The following TTN variants were observed in gnomAD, a reference collection of about 807,000 sequenced individuals.
The protein encoded by TTN is titin, also known as connectin.
In TTN, 1,525 loss-of-function variants were observed where a neutral mutation model predicts 3,223.0. That is an observed-to-expected ratio of 0.47 (90% confidence interval 0.45 to 0.49). The LOEUF (loss-of-function observed/expected upper bound fraction) is 0.49. Among genes scored for constraint, TTN ranks in the 20% least tolerant of loss-of-function variants. The probability of loss-of-function intolerance (pLI) is 0.00; values close to 1 mark genes in which losing one functional copy is unlikely to be tolerated. For synonymous variants in TTN, 14,094 were observed against 15,161.0 expected (o/e 0.93, Z 5.17); for missense variants, 40,786 against 43,424.0 (o/e 0.94, Z 5.40).
At position 178,613,841 on chromosome 2, in the gene TTN, G is replaced by C; in HGVS notation, c.49442C>G (p.Pro16481Arg). The C allele has an allele frequency of 6.2e-7, 1 of 1,612,394 alleles. No individual in the cohort carries two copies. The highest frequency in any genetic ancestry group is 8.5e-7 in the Non-Finnish European group (1 of 1,179,052). ...WCEPDDDGGS[P>R]ITGYWVERLD... ...TCTTTCAACCCAGTATCCTGTGATTGGGCTGCCACCATCATCATCTGGCTC... is the reference window on the plus strand; with the variant it reads ...TCTTTCAACCCAGTATCCTGTGATTCGGCTGCCACCATCATCATCTGGCTC... The change falls in exon 263 of 363, where the codon CCA (proline) becomes CGA (arginine). Residue 16481 changes from proline to arginine, a missense_variant. Physicochemically the swap from Pro to Arg is moderately radical, Grantham distance 103. Coordinates refer to ENST00000589042, the MANE Select transcript of TTN (RefSeq NM_001267550.2).
Position 178,592,871 on chromosome 2 carries a change from C to G in TTN, c.59248G>C (p.Gly19750Arg). The G allele has an allele frequency of 6.2e-7, 1 of 1,613,422 alleles. No homozygotes were observed. The highest frequency in any genetic ancestry group is 8.5e-7 in the Non-Finnish European group (1 of 1,179,584). ...TKYKVTGLRD[G>R]QTYKFRVLAV... ...AACACTCTAAACTTATAGGTTTGAC[C>G]GTCCCGAAGACCGGTGACTTTATAT... Residue 19750 changes from glycine (G) to arginine (R), a missense_variant, in exon 300 of 363, where the codon GGT (glycine) becomes CGT (arginine). Transcript: ENST00000589042.
Position 178,607,155 on chromosome 2 carries a change from T to A in TTN, c.53447A>T (p.Glu17816Val). Residue 17816 changes from glutamate to valine, a missense_variant, in exon 278 of 363, where the codon GAG (glutamate) becomes GTG (valine). Coordinates refer to ENST00000589042, the MANE Select transcript of TTN (RefSeq NM_001267550.2). ...GATGTCACATTTAGATCTCTCAGTC[T>A]CTATTGGTTGTCTCCAAGTATGCAT... is the stretch of plus-strand genomic sequence containing the variant. ...AKMHTWRQPIETERSKCDITG... is the reference protein window; with the variant it reads ...AKMHTWRQPIVTERSKCDITG... 1 of 1,613,018 alleles carries A rather than the reference T, an allele frequency of 6.2e-7. No homozygotes were observed. Among genetic ancestry groups the A allele is most frequent in the South Asian group, 1.1e-5 (1 of 91,032 alleles).
At chr2:178,658,873 AT>A (rs2064210888) in intron 182 of TTN, 79 bp from the exon 183 acceptor site, 1 of 1,561,656 alleles carries the variant, frequency 6.4e-7, no homozygotes, top group Admixed American at 1.8e-5. Flanking sequence ...CCACCAAGAT[AT>A]TTTGGATAGT....
In TTN at chr2:178,535,345, C is replaced by T. The variant is rs1210718667; in HGVS notation, c.101270G>A (p.Ser33757Asn). The T allele has an allele frequency of 6.2e-7, 1 of 1,613,782 alleles. No homozygotes were observed. The highest frequency in any genetic ancestry group is 8.5e-7 in the Non-Finnish European group (1 of 1,179,856). Residue 33757 changes from serine (S) to asparagine (N), a missense_variant, in exon 358 of 363, where the codon AGT becomes AAT. By Grantham distance (46) the Ser-to-Asn change is conservative. Transcript: ENST00000589042. ...TTCAGCTATTACCCGGAACTGGTAACTTGTTTTTCCAAATAAGTTGATCAC... is the reference window on the plus strand; with the variant it reads ...TTCAGCTATTACCCGGAACTGGTAATTTGTTTTTCCAAATAAGTTGATCAC... ...YTVINLFGKT[S>N]YQFRVIAENK...
At position 178,609,514 on chromosome 2, in the gene TTN, C is replaced by T; in HGVS notation, c.51796G>A (p.Ala17266Thr). Residue 17266 changes from alanine to threonine, a missense_variant, in exon 273 of 363, where the codon GCA becomes ACA. Ala to Thr is a moderately conservative substitution (Grantham distance 58, BLOSUM62 0). Transcript: ENST00000589042. Reference protein sequence around the residue: ...SLEVKRGDEIALDASISGSPY... With the variant: ...SLEVKRGDEITLDASISGSPY... Reference sequence around the variant, plus strand: ...GATCCAGAAATACTTGCATCAAGTGCTATTTCATCACCTCGTTTCACTTCT... The same window carrying T: ...GATCCAGAAATACTTGCATCAAGTGTTATTTCATCACCTCGTTTCACTTCT... 1 of 1,612,460 alleles carries T rather than the reference C, an allele frequency of 6.2e-7. No individual in the cohort carries two copies. The highest frequency in any genetic ancestry group is 8.5e-7 in the Non-Finnish European group (1 of 1,179,080).
At chr2:178,583,388 G>A (rs1201222530) in intron 312 of TTN, 161 bp from the exon 313 acceptor site, 1 of 847,308 alleles carries the variant, frequency 1.2e-6, no homozygotes, top group African/African-American at 1.7e-5. Context: ...CTGCACTATT[G>A]AATAACTATT....
chr2:178,529,502 G>A (rs1688092753), intron 359 of TTN, among the ~76,000 whole-genome samples: 2 of 152,164 alleles, frequency 1.3e-5, no homozygotes, highest in South Asian at 4.1e-4. Context: ...GGAGATAAGT[G>A]GATTTGGGAG....
chr2:178,767,182 C>T (rs2090606765), intron 40 of TTN, among the ~76,000 whole-genome samples: 1 of 152,196 alleles, frequency 6.6e-6, no homozygotes, highest in Non-Finnish European at 1.5e-5. Context: ...CTGAACTCAA[C>T]TGGTATTTCT....
At chr2:178,721,604 A>T (rs867165635) in intron 78 of TTN, among the ~76,000 whole-genome samples, 1 of 152,130 alleles carries the variant, frequency 6.6e-6, no homozygotes, top group South Asian at 2.1e-4. Context: ...TAGTTAAAAC[A>T]ACATTTAACA....
chr2:178,532,942 C>A lies in TTN; in HGVS notation c.103673G>T (p.Arg34558Leu). ...AGACATGGGCACGAACTGCTTGATG[C>A]GTTGGTCTTCTTCTATGGTAGTCTG... ...YKQTTIEEDQ[R>L]IKQFVPMSDM... The change falls in exon 358 of 363, where the codon CGC (arginine) becomes CTC (leucine). Residue 34558 changes from arginine to leucine, a missense_variant. Arg to Leu is a moderately radical substitution (Grantham distance 102). Coordinates refer to ENST00000589042, the MANE Select transcript of TTN (RefSeq NM_001267550.2). The A allele has an allele frequency of 6.2e-7, 1 of 1,613,840 alleles. No individual in the cohort carries two copies. Among genetic ancestry groups the A allele is most frequent in the African/African-American group, 1.3e-5 (1 of 75,006 alleles).
Position 178,621,948 on chromosome 2 carries a change from T to C in TTN, c.44974A>G (p.Lys14992Glu), listed in dbSNP as rs1174482047. The change falls in exon 244 of 363, where the codon AAG becomes GAG. Residue 14992 changes from lysine (K) to glutamate (E), a missense_variant. Physicochemically the swap from Lys to Glu is moderately conservative, Grantham distance 56 (BLOSUM62 1). Coordinates refer to ENST00000589042, the MANE Select transcript of TTN (RefSeq NM_001267550.2). The part of the protein sequence containing the change: ...KKGKKYDIIS[K>E]GAVRILVINK... The stretch of plus-strand genomic sequence containing the variant: ...ATGACAAGAATGCGCACTGCTCCCT[T>C]GGATATGATGTCATATTTTTTGCCC... 2 of 1,611,576 alleles carry C rather than the reference T, an allele frequency of 1.2e-6. No individual in the cohort carries two copies. The highest frequency in any genetic ancestry group is 4.5e-5 in the East Asian group (2 of 44,552).
rs1578126437 is a variant in TTN at position 178,728,770 on chromosome 2, G to C, written c.19156C>G (p.Gln6386Glu). 1 of 1,598,262 alleles carries C rather than the reference G, an allele frequency of 6.3e-7. No homozygotes were observed. Among genetic ancestry groups the C allele is most frequent in the African/African-American group, 1.3e-5 (1 of 74,556 alleles). ...YAFLLVQEPA[Q>E]IVEKAKSVDV... Reference sequence around the variant, plus strand: ...ACTGATTTAGCTTTCTCTACGATTTGAGCTGGTTCTGTAGTAAAAATGAAA... The same window carrying C: ...ACTGATTTAGCTTTCTCTACGATTTCAGCTGGTTCTGTAGTAAAAATGAAA... The change falls in exon 66 of 363, where the codon CAA becomes GAA. Residue 6386 changes from glutamine (Q) to glutamate (E), a missense_variant. Coordinates refer to ENST00000589042, the MANE Select transcript of TTN (RefSeq NM_001267550.2).
At chr2:178,587,486 G>T (rs1045424208) in intron 306 of TTN, 30 bp downstream of exon 306, 5 of 1,602,914 alleles carry the variant, frequency 3.1e-6, no homozygotes, top group Non-Finnish European at 4.3e-6. Context: ...CATTTTTGAA[G>T]TGGGAGGGAG....
In TTN at chr2:178,689,812, CCT is replaced by C; in HGVS notation, c.31845_31846del (p.Lys10615AsnfsTer3). 1 of 1,607,720 alleles carries C rather than the reference CCT, an allele frequency of 6.2e-7. No individual in the cohort carries two copies. The highest frequency in any genetic ancestry group is 8.5e-7 in the Non-Finnish European group (1 of 1,178,302). ...GGGCTTTACGTCGAAAGCCACTGTA[CCT>C]TTAGCTGGGGGAGCTTCCTTTTTCT... On this transcript the variant is annotated frameshift_variant and splice_region_variant, in exon 122 of 363. Transcript: ENST00000589042. LOFTEE classifies it high-confidence loss of function.
chr2:178,745,300 A>T (rs1560954757), intron 47 of TTN: 5 of 1,252,156 alleles, frequency 4.0e-6, no homozygotes, highest in African/African-American at 3.0e-5. Flanking sequence ...GCATGAGGGT[A>T]AATAGAAGTA....
At position 178,731,300 on chromosome 2, in the gene TTN, C is replaced by G. The variant is rs2080450553; in HGVS notation, c.17461+5G>C. ...TCAAACCCAAGGCAAACGTTCTGAA[C>G]CAACCTTTTACTGAGAGTAATGCAG... is the stretch of plus-strand genomic sequence containing the variant. On this transcript the variant is annotated splice_donor_5th_base_variant and intron_variant, in intron 59 of 362. Transcript: ENST00000589042. The G allele has an allele frequency of 5.0e-6, 8 of 1,613,360 alleles. No homozygotes were observed. Among genetic ancestry groups the G allele is most frequent in the Non-Finnish European group, 6.8e-6 (8 of 1,179,486 alleles).
Position 178,715,235 on chromosome 2 carries a change from GA to G in TTN, c.25950del (p.Pro8651LeufsTer2). 6.2e-7 allele frequency: 1 copy of G among 1,607,140 alleles called. No individual in the cohort carries two copies. The highest frequency in any genetic ancestry group is 8.5e-7 in the Non-Finnish European group (1 of 1,177,086). On this transcript the variant is annotated frameshift_variant, in exon 90 of 363. Coordinates refer to ENST00000589042, the MANE Select transcript of TTN (RefSeq NM_001267550.2). LOFTEE classifies it high-confidence loss of function. ...KEPPIFRKKP[H>X]PIETLKGADV... ...TCAGCTCCTTTCAGTGTCTCTATAG[GA>G]TGAGGCTTTTTGCGGAAAATGGGTG... is the stretch of plus-strand genomic sequence containing the variant.
Position 178,531,865 on chromosome 2 carries a change from G to A in TTN, c.104750C>T (p.Ala34917Val), listed in dbSNP as rs774157230. Residue 34917 changes from alanine (A) to valine (V), a missense_variant, in exon 358 of 363, where the codon GCT (alanine) becomes GTT (valine). Physicochemically the swap from Ala to Val is moderately conservative, Grantham distance 64. Coordinates refer to ENST00000589042, the MANE Select transcript of TTN (RefSeq NM_001267550.2). Reference protein sequence around the residue: ...IFSRYESMKAALKTQKTSERK... With the variant: ...IFSRYESMKAVLKTQKTSERK... ...TTCTGATGTCTTCTGAGTTTTTAAA[G>A]CAGCTTTCATGGACTCATACCTGGA... 2 of 1,613,562 alleles carry A rather than the reference G, an allele frequency of 1.2e-6. No individual in the cohort carries two copies. Among genetic ancestry groups the A allele is most frequent in the South Asian group, 2.2e-5 (2 of 91,040 alleles).
Position 178,782,383 on chromosome 2 carries a change from G to T in TTN, c.3209C>A (p.Thr1070Lys). 1 of 1,614,074 alleles carries T rather than the reference G, an allele frequency of 6.2e-7. No homozygotes were observed. The highest frequency in any genetic ancestry group is 8.5e-7 in the Non-Finnish European group (1 of 1,179,994). Reference protein sequence around the residue: ...RDVVMTDTSLTEEQAGPGEPA... With the variant: ...RDVVMTDTSLKEEQAGPGEPA... Reference sequence around the variant, plus strand: ...TTCTCCAGGCCCTGCTTGTTCCTCTGTGAGGCTAGTATCAGTCATAACCAC... The same window carrying T: ...TTCTCCAGGCCCTGCTTGTTCCTCTTTGAGGCTAGTATCAGTCATAACCAC... Residue 1070 changes from threonine to lysine, a missense_variant, in exon 20 of 363, where the codon ACA becomes AAA. Thr to Lys is a moderately conservative substitution (Grantham distance 78). Coordinates refer to ENST00000589042, the MANE Select transcript of TTN (RefSeq NM_001267550.2).
Sources: gnomAD v4.1 joint callset for allele counts (sites outside exome capture counted in the v4.1 genomes callset) on GRCh38, gnomAD v4.1.1 for gene constraint, MANE v1.5 for transcripts, NCBI Gene and HGNC (gene_info 2026-07-23, HGNC 2026-07-21) for gene names.